FAM120C: variants seen among roughly 807,000 people sequenced by gnomAD.
The protein encoded by FAM120C is family with sequence similarity 120 member C.
In FAM120C, 14 loss-of-function variants were observed where a neutral mutation model predicts 71.2. The observed-to-expected ratio is 0.20, with a 90% CI of 0.13 to 0.31. The LOEUF is 0.31. FAM120C is among the 10% of genes least tolerant of loss of function. The pLI is 1.00. For synonymous variants in FAM120C, 354 were observed against 353.2 expected, an observed-to-expected ratio of 1.00 and a Z score of -0.03; for missense variants, 500 against 879.0, an observed-to-expected ratio of 0.57 and a Z score of 5.45.
At chrX:54,079,654 G>A (rs1445871290) in intron 15 of FAM120C, among the ~76,000 whole-genome samples, 5 of 110,738 alleles carry the variant, frequency 4.5e-5, no homozygotes, top group East Asian at 2.8e-4. Context: ...AAAATTAGCC[G>A]GGCGTGGTGG....
At chrX:54,171,268 G>A (rs2067286533) in intron 1 of FAM120C, among the ~76,000 whole-genome samples, 1 of 110,569 alleles carries the variant, frequency 9.0e-6, no homozygotes, top group East Asian at 2.8e-4. Flanking sequence ...AAATTATCTG[G>A]GTGTGGGTGG....
intron 1 of FAM120C, among the ~76,000 whole-genome samples, chrX:54,173,507 C>CA (rs1307546530): frequency 8.9e-6 from 1 of 112,532 alleles, no homozygotes; most frequent in Non-Finnish European, 1.9e-5. Flanking sequence ...CTCGGCCTCC[C>CA]AAAGTGCTGG....
chrX:54,156,463 C>T (rs1327986684), intron 3 of FAM120C, among the ~76,000 whole-genome samples: 1 of 107,741 alleles, frequency 9.3e-6, no homozygotes, highest in Non-Finnish European at 1.9e-5. Flanking sequence ...GCTGGGACTA[C>T]AGGCACGTGC....
intron 10 of FAM120C, among the ~76,000 whole-genome samples, chrX:54,102,152 G>A (rs1326165430): frequency 9.2e-6 from 1 of 108,398 alleles, no homozygotes; most frequent in Admixed American, 1.0e-4. Flanking sequence ...CTCCCACCTC[G>A]GCCTCCCAAG....
chrX:54,114,344 C>T (rs1186557683), intron 10 of FAM120C, among the ~76,000 whole-genome samples: 1 of 111,681 alleles, frequency 9.0e-6, no homozygotes, highest in Non-Finnish European at 1.9e-5. Context: ...ACGTGAAAAG[C>T]CCAGACTTTA....
chrX:54,107,456 A>G (rs1334696163), intron 10 of FAM120C, among the ~76,000 whole-genome samples: 1 of 110,146 alleles, frequency 9.1e-6, no homozygotes, highest in Non-Finnish European at 1.9e-5. Flanking sequence ...ATATGGGACA[A>G]TGTAGGGCTG....
At chrX:54,163,741 G>C (rs1727116386) in intron 1 of FAM120C, among the ~76,000 whole-genome samples, 1 of 110,204 alleles carries the variant, frequency 9.1e-6, no homozygotes. Context: ...CTCCCCTAAG[G>C]CTTTAAGAAC....
intron 1 of FAM120C, among the ~76,000 whole-genome samples, chrX:54,172,898 T>C (rs1557136120): frequency 8.9e-6 from 1 of 112,479 alleles, no homozygotes; most frequent in Non-Finnish European, 1.9e-5. Flanking sequence ...GCTATGTGGA[T>C]GGAGTTTTTA....
intron 10 of FAM120C, among the ~76,000 whole-genome samples, chrX:54,101,839 T>C (rs1317744506): frequency 2.7e-5 from 3 of 111,618 alleles, no homozygotes; most frequent in Non-Finnish European, 5.6e-5. Flanking sequence ...GTTGTAACCA[T>C]TTAATCAATC....
At chrX:54,178,070 T>C (rs1268260035) in intron 1 of FAM120C, among the ~76,000 whole-genome samples, 5 of 111,642 alleles carry the variant, frequency 4.5e-5, no homozygotes, top group Non-Finnish European at 7.5e-5. Context: ...TTAAGAATAA[T>C]GGTGAATAGG....
At chrX:54,104,772 C>T (rs1249604468) in intron 10 of FAM120C, among the ~76,000 whole-genome samples, 1 of 107,279 alleles carries the variant, frequency 9.3e-6, no homozygotes, top group East Asian at 2.9e-4. Context: ...CGTGCCACTG[C>T]ACTTCAGCCT....
intron 10 of FAM120C, among the ~76,000 whole-genome samples, chrX:54,099,854 G>C (rs1439665800): frequency 9.0e-6 from 1 of 111,428 alleles, no homozygotes; most frequent in African/African-American, 3.3e-5. Flanking sequence ...ACTGTTTTTG[G>C]TTACTATACT....
At chrX:54,140,392 G>A (rs1209142714) in intron 4 of FAM120C, among the ~76,000 whole-genome samples, 1 of 109,331 alleles carries the variant, frequency 9.1e-6, no homozygotes, top group African/African-American at 3.3e-5. Context: ...GCTGAGGCGG[G>A]TGGATCACCT....
intron 3 of FAM120C, among the ~76,000 whole-genome samples, chrX:54,155,065 G>A (rs1476712416): frequency 9.0e-6 from 1 of 111,101 alleles, no homozygotes; most frequent in African/African-American, 3.3e-5. Flanking sequence ...TTAGCCAGCC[G>A]TGATGGCATG....
intron 9 of FAM120C, among the ~76,000 whole-genome samples, chrX:54,128,292 CAT>C (rs1167900962): frequency 8.9e-6 from 1 of 111,933 alleles, no homozygotes; most frequent in African/African-American, 3.2e-5. Context: ...CTCCTGGTCT[CAT>C]GTGATCTGCC....
intron 9 of FAM120C, among the ~76,000 whole-genome samples, chrX:54,117,897 AC>A (rs2066980337): frequency 1.8e-5 from 2 of 111,420 alleles, no homozygotes; most frequent in African/African-American, 3.3e-5. Context: ...AAGATATTTC[AC>A]AAAATTCTCA....
At chrX:54,165,292 A>G (rs1368224310) in intron 1 of FAM120C, among the ~76,000 whole-genome samples, 2 of 111,892 alleles carry the variant, frequency 1.8e-5, no homozygotes, top group African/African-American at 6.5e-5. Context: ...TTTCGTTGAT[A>G]TGGCTTCTAA....
At chrX:54,173,801 G>A (rs1373994746) in intron 1 of FAM120C, 3 of 223,166 alleles carry the variant, frequency 1.3e-5, no homozygotes, top group Non-Finnish European at 1.6e-5. Context: ...TGGTGTTTCA[G>A]TTATCTATTT....
At chrX:54,129,385 C>T (rs1479384397) in intron 9 of FAM120C, among the ~76,000 whole-genome samples, 33 of 101,745 alleles carry the variant, frequency 3.2e-4, no homozygotes, top group African/African-American at 4.4e-4. Flanking sequence ...CCAGACGGGG[C>T]GGCGGGGCAG....
Sources: allele counts gnomAD v4.1 joint callset (sites outside exome capture counted in the v4.1 genomes callset), GRCh38; gene constraint gnomAD v4.1.1; transcripts MANE v1.5; gene names NCBI Gene and HGNC (gene_info 2026-07-23, HGNC 2026-07-21).